The following PLEKHG1 variants were observed in gnomAD, a reference collection of about 807,000 sequenced individuals.
PLEKHG1 encodes the protein pleckstrin homology and RhoGEF domain containing G1.
In PLEKHG1, 44 loss-of-function variants were observed where a neutral mutation model predicts 100.8. The ratio of observed to expected loss-of-function variants is 0.44; its 90% CI spans 0.34 to 0.56. The LOEUF (loss-of-function observed/expected upper bound fraction) is 0.56, where lower values mean the gene tolerates loss of function less well. Among genes scored for constraint, PLEKHG1 ranks in the 20% least tolerant of loss-of-function variants. The pLI is 0.01. For missense variants in PLEKHG1, 1,545 were observed against 1,720.9 expected, an observed-to-expected ratio of 0.90 and a Z score of 1.81; for synonymous variants, 640 against 662.5, an observed-to-expected ratio of 0.97 and a Z score of 0.52.
intron 3 of PLEKHG1, among the ~76,000 whole-genome samples, chr6:150,682,580 G>A (rs1182667980): frequency 6.6e-6 from 1 of 152,054 alleles, no homozygotes; most frequent in African/African-American, 2.4e-5. Flanking sequence ...TTGCTGATAA[G>A]CTGACATCGG....
At chr6:150,807,030 T>C (rs970599937) in intron 7 of PLEKHG1, among the ~76,000 whole-genome samples, 1 of 152,166 alleles carries the variant, frequency 6.6e-6, no homozygotes, top group African/African-American at 2.4e-5. Flanking sequence ...GCTGGCTTGG[T>C]TATCAGATCG....
At chr6:150,741,041 G>A (rs1410233875) in intron 2 of PLEKHG1, among the ~76,000 whole-genome samples, 1 of 152,154 alleles carries the variant, frequency 6.6e-6, no homozygotes, top group Non-Finnish European at 1.5e-5. Context: ...CCTAGAAGGT[G>A]GCAACAGTGA....
intron 2 of PLEKHG1, among the ~76,000 whole-genome samples, chr6:150,755,335 A>G (rs909385296): frequency 2.0e-5 from 3 of 152,172 alleles, no homozygotes; most frequent in African/African-American, 7.2e-5. Flanking sequence ...ACTCTCTGCC[A>G]ACGTTGATGG....
intron 3 of PLEKHG1, among the ~76,000 whole-genome samples, chr6:150,775,839 T>G (rs1784931820): frequency 6.6e-6 from 1 of 152,200 alleles, no homozygotes; most frequent in African/African-American, 2.4e-5. Context: ...ATGGTAGAGA[T>G]ATTTTTACCC....
intron 2 of PLEKHG1, among the ~76,000 whole-genome samples, chr6:150,755,728 G>A (rs1783800199): frequency 6.6e-6 from 1 of 152,136 alleles, no homozygotes. Flanking sequence ...TGACCTTGAG[G>A]CCGATGTGTT....
intron 2 of PLEKHG1, among the ~76,000 whole-genome samples, chr6:150,734,980 A>AT (rs397888221): frequency 0.028 from 2,920 of 102,812 alleles, 133 homozygotes; most frequent in African/African-American, 0.089. Flanking sequence ...TCAAGGGCAG[A>AT]TTTTTTTTTT....
At chr6:150,679,848 G>A (rs1779876807) in intron 3 of PLEKHG1, among the ~76,000 whole-genome samples, 7 of 152,246 alleles carry the variant, frequency 4.6e-5, no homozygotes. Flanking sequence ...TTGTCATGAG[G>A]AGGTGATCGC....
intron 3 of PLEKHG1, among the ~76,000 whole-genome samples, chr6:150,706,963 ATTTTCTTT>A (rs1276837930): frequency 7.8e-4 from 38 of 48,452 alleles, no homozygotes; most frequent in African/African-American, 2.3e-3. Flanking sequence ...CATATGTTTC[ATTTTCTTT>A]TTTTCTTTTC....
chr6:150,621,374 A>G (rs1454401955), intron 1 of PLEKHG1, among the ~76,000 whole-genome samples: 3 of 146,066 alleles, frequency 2.1e-5, no homozygotes, highest in Admixed American at 2.0e-4. Flanking sequence ...GGCACAAATC[A>G]ATTTTTTTTT....
chr6:150,737,452 C>T (rs966833638), intron 2 of PLEKHG1, among the ~76,000 whole-genome samples: 24 of 151,668 alleles, frequency 1.6e-4, no homozygotes, highest in Non-Finnish European at 2.8e-4. Context: ...CCACCGCCCC[C>T]GGCTAATTTT....
chr6:150,623,343 T>C (rs1278221525), intron 1 of PLEKHG1, among the ~76,000 whole-genome samples: 1 of 152,192 alleles, frequency 6.6e-6, no homozygotes, highest in Non-Finnish European at 1.5e-5. Context: ...GGTTCTTCAG[T>C]AGTGTTTTAT....
chr6:150,804,563 GAAAAT>G, intron 6 of PLEKHG1, 42 bp from the exon 8 acceptor site: 1 of 1,470,370 alleles, frequency 6.8e-7, no homozygotes, highest in African/African-American at 1.6e-5. Context: ...CTGTCTATAT[GAAAAT>G]AAAATGAAAA....
At chr6:150,835,306 T>A (rs1240988918) in intron 15 of PLEKHG1, among the ~76,000 whole-genome samples, 1 of 152,184 alleles carries the variant, frequency 6.6e-6, no homozygotes, top group African/African-American at 2.4e-5. Context: ...ATGTTTCACA[T>A]GGGAGAAAAC....
chr6:150,825,242 G>T (rs530655634), intron 14 of PLEKHG1, among the ~76,000 whole-genome samples: 1 of 152,216 alleles, frequency 6.6e-6, no homozygotes, highest in South Asian at 2.1e-4. Flanking sequence ...TGTGCTGAAG[G>T]TATATTAAAT....
At chr6:150,671,107 A>G (rs1462455348) in intron 3 of PLEKHG1, among the ~76,000 whole-genome samples, 1 of 151,812 alleles carries the variant, frequency 6.6e-6, no homozygotes, top group Non-Finnish European at 1.5e-5. Flanking sequence ...ATATATATAT[A>G]TATACACACA....
chr6:150,603,366 T>C (rs554935132), intron 1 of PLEKHG1, among the ~76,000 whole-genome samples: 4 of 152,286 alleles, frequency 2.6e-5, no homozygotes, highest in South Asian at 2.1e-4. Context: ...CTGTGCCAAG[T>C]AGAATTTACT....
chr6:150,743,220 T>A (rs1782974018), intron 2 of PLEKHG1, among the ~76,000 whole-genome samples: 1 of 152,068 alleles, frequency 6.6e-6, no homozygotes, highest in African/African-American at 2.4e-5. Flanking sequence ...CCACCCTCAC[T>A]AAAAATAAAA....
At chr6:150,815,695 T>C (rs969956682) in intron 10 of PLEKHG1, among the ~76,000 whole-genome samples, 11 of 152,204 alleles carry the variant, frequency 7.2e-5, no homozygotes, top group African/African-American at 2.4e-4. Flanking sequence ...AGCCCCACAC[T>C]TTTTCACTAA....
chr6:150,707,095 C>T lies in PLEKHG1; in HGVS notation c.-98-26489C>T, dbSNP rs185813981. Among the ~76,000 whole-genome samples, 193 of 146,996 alleles carry T rather than the reference C, an allele frequency of 1.3e-3. 1 individual carries two copies. The highest frequency in any genetic ancestry group is 2.1e-3 in the Non-Finnish European group (142 of 67,202). On this transcript the variant is annotated intron_variant, in intron 3 of 3. Coordinates refer to the PLEKHG1 transcript ENST00000367326. ...TCTCGGCTACCTGCAACCTCTGCCT[C>T]CCAGGTTCAAGCGATTCTCCTGCCT...
Sources: gnomAD v4.1 joint callset for allele counts (sites outside exome capture counted in the v4.1 genomes callset) on GRCh38, gnomAD v4.1.1 for gene constraint, MANE v1.5 for transcripts, NCBI Gene and HGNC (gene_info 2026-07-23, HGNC 2026-07-21) for gene names.